DTD1: variants seen among roughly 807,000 people sequenced by gnomAD.
DTD1 encodes the protein D-tyrosyl-tRNA deacylase 1 homolog.
A neutral mutation model predicts 25.6 loss-of-function variants in DTD1; 13 were observed. The ratio of observed to expected loss-of-function variants is 0.51; its 90% CI spans 0.33 to 0.81. The LOEUF is 0.81. Among genes scored for constraint, DTD1 ranks in the 30% least tolerant of loss-of-function variants. The pLI, the probability that DTD1 is intolerant of heterozygous loss-of-function variation, is 0.02. For synonymous variants in DTD1, 110 were observed against 103.6 expected (o/e 1.06, Z -0.37); for missense variants, 193 against 266.4 (o/e 0.72, Z 1.92).
chr20:18,719,157 C>T (rs2061193055), intron 4 of DTD1, among the ~76,000 whole-genome samples: 1 of 152,142 alleles, frequency 6.6e-6, no homozygotes, highest in Admixed American at 6.5e-5. Context: ...ATGCTTATTA[C>T]TTTCACACCA....
intron 4 of DTD1, among the ~76,000 whole-genome samples, chr20:18,723,617 G>A (rs2061213294): frequency 6.6e-6 from 1 of 152,194 alleles, no homozygotes; most frequent in African/African-American, 2.4e-5. Context: ...AGTACACTTG[G>A]TTTTGTATGT....
chr20:18,723,277 G>A (rs2061211866), intron 4 of DTD1, among the ~76,000 whole-genome samples: 1 of 152,204 alleles, frequency 6.6e-6, no homozygotes, highest in South Asian at 2.1e-4. Context: ...CAGGAGACAG[G>A]AGGAGTGCTA....
At chr20:18,623,538 C>T (rs997948089) in intron 3 of DTD1, among the ~76,000 whole-genome samples, 1 of 152,088 alleles carries the variant, frequency 6.6e-6, no homozygotes, top group East Asian at 1.9e-4. Context: ...TGGGATGAAA[C>T]TTCAGAGTTT....
intron 3 of DTD1, among the ~76,000 whole-genome samples, chr20:18,598,676 A>AT (rs35467175): frequency 0.51 from 72,597 of 141,270 alleles, 18,350 homozygotes; most frequent in Middle Eastern, 0.58. Flanking sequence ...TTTTTTTTGT[A>AT]TTTTTTTTTT....
At chr20:18,614,346 A>G (rs2060700502) in intron 3 of DTD1, among the ~76,000 whole-genome samples, 1 of 152,198 alleles carries the variant, frequency 6.6e-6, no homozygotes, top group South Asian at 2.1e-4. Context: ...TCCTGAATGC[A>G]TTGTGTAAAA....
intron 4 of DTD1, among the ~76,000 whole-genome samples, chr20:18,657,554 T>A (rs1015734137): frequency 6.6e-6 from 1 of 151,930 alleles, no homozygotes; most frequent in Non-Finnish European, 1.5e-5. Flanking sequence ...AATGAGGGAG[T>A]CCAGATCGCT....
intron 4 of DTD1, chr20:18,675,188 G>A (rs2060965528): frequency 6.6e-6 from 1 of 152,292 alleles, no homozygotes; most frequent in African/African-American, 2.4e-5. Context: ...TGCCACATGG[G>A]CTTTTCCACA....
intron 4 of DTD1, among the ~76,000 whole-genome samples, chr20:18,741,655 T>C (rs2061278582): frequency 6.6e-6 from 1 of 152,212 alleles, no homozygotes; most frequent in Non-Finnish European, 1.5e-5. Flanking sequence ...GGAATCCTAC[T>C]GTATATAGCC....
At chr20:18,713,656 T>C (rs1377639538) in intron 4 of DTD1, among the ~76,000 whole-genome samples, 1 of 152,232 alleles carries the variant, frequency 6.6e-6, no homozygotes, top group Non-Finnish European at 1.5e-5. Flanking sequence ...AGGCTGTTTT[T>C]TTCTGCATTG....
chr20:18,588,160 C>A, intron 1 of DTD1, 45 bp downstream of exon 1: 1 of 1,233,468 alleles, frequency 8.1e-7, no homozygotes, highest in Non-Finnish European at 1.0e-6. Flanking sequence ...CCCCTGACCC[C>A]CGCGACCGGC....
At chr20:18,691,906 C>T (rs1347489047) in intron 4 of DTD1, 1 of 152,098 alleles carries the variant, frequency 6.6e-6, no homozygotes, top group African/African-American at 2.4e-5. Context: ...TTAGCCCCTA[C>T]TGCTTGGAGA....
chr20:18,640,372 T>G (rs926720712), intron 4 of DTD1, among the ~76,000 whole-genome samples: 5 of 152,130 alleles, frequency 3.3e-5, no homozygotes, highest in African/African-American at 1.2e-4. Context: ...AAGTTTAAGA[T>G]ACACTAAAAA....
chr20:18,748,700 A>G (rs1156831619), intron 5 of DTD1, among the ~76,000 whole-genome samples: 1 of 152,222 alleles, frequency 6.6e-6, no homozygotes. Flanking sequence ...ATTTTTCCCC[A>G]GTGTCTAAGT....
intron 4 of DTD1, among the ~76,000 whole-genome samples, chr20:18,667,981 G>A (rs2060938159): frequency 1.3e-5 from 2 of 152,200 alleles, no homozygotes; most frequent in East Asian, 1.9e-4. Flanking sequence ...CAGGGCAGTC[G>A]TTAAACTGTC....
intron 5 of DTD1, among the ~76,000 whole-genome samples, chr20:18,751,215 T>C (rs2061320442): frequency 6.6e-6 from 1 of 152,220 alleles, no homozygotes; most frequent in Non-Finnish European, 1.5e-5. Context: ...CACATTCTCA[T>C]GTCCATGTGC....
chr20:18,751,157 C>T (rs147529892), intron 5 of DTD1, among the ~76,000 whole-genome samples: 10 of 152,054 alleles, frequency 6.6e-5, no homozygotes, highest in East Asian at 5.8e-4. Context: ...GGTAGGACTC[C>T]TTTCATTCTC....
At chr20:18,752,314 A>G (rs1158711342) in intron 5 of DTD1, among the ~76,000 whole-genome samples, 1 of 152,060 alleles carries the variant, frequency 6.6e-6, no homozygotes, top group African/African-American at 2.4e-5. Context: ...TGGTATTCCA[A>G]TTATATATAT....
chr20:18,762,577 TTA>T (rs1318995424), intron 5 of DTD1, among the ~76,000 whole-genome samples: 1 of 152,224 alleles, frequency 6.6e-6, no homozygotes, highest in Non-Finnish European at 1.5e-5. Flanking sequence ...AATCATGCTT[TTA>T]TATCTCTTTT....
At chr20:18,663,846 T>G (rs930318474) in intron 4 of DTD1, among the ~76,000 whole-genome samples, 3 of 152,138 alleles carry the variant, frequency 2.0e-5, no homozygotes, top group African/African-American at 7.2e-5. Context: ...TATAAAACCA[T>G]CAGATATCAT....
Sources: allele counts gnomAD v4.1 joint callset (sites outside exome capture counted in the v4.1 genomes callset), GRCh38; gene constraint gnomAD v4.1.1; transcripts MANE v1.5; gene names NCBI Gene and HGNC (gene_info 2026-07-23, HGNC 2026-07-21).